Variants in ELMOD2 observed in about 807,000 individuals in gnomAD.
ELMOD2 encodes the protein ELMO domain-containing protein 2.
A neutral mutation model predicts 41.0 loss-of-function variants in ELMOD2; 28 were observed. The ratio of observed to expected loss-of-function variants is 0.68; its 90% confidence interval spans 0.51 to 0.94. The LOEUF is 0.94. Among genes scored for constraint, ELMOD2 ranks in the 40% least tolerant of loss-of-function variants. The probability of loss-of-function intolerance (pLI) is 0.00; values close to 1 mark genes in which losing one functional copy is unlikely to be tolerated. For missense variants in ELMOD2, 333 were observed against 343.1 expected, an observed-to-expected ratio of 0.97 and a Z score of 0.23; for synonymous variants, 106 against 107.2, an observed-to-expected ratio of 0.99 and a Z score of 0.07.
intron 8 of ELMOD2, among the ~76,000 whole-genome samples, chr4:140,546,614 A>T (rs894755893): frequency 6.6e-6 from 1 of 151,696 alleles, no homozygotes; most frequent in Non-Finnish European, 1.5e-5. Flanking sequence ...TAAAATTAAA[A>T]AAAAAAAAAG....
chr4:140,537,305 C>T (rs533825532), intron 4 of ELMOD2, 107 bp from the exon 5 acceptor site: 1 of 1,039,608 alleles, frequency 9.6e-7, no homozygotes. Context: ...TTATATTAAA[C>T]TGAAAGCCAG....
chr4:140,537,448 A>C lies in ELMOD2; in HGVS notation c.306A>C (p.Ile102=). 6.4e-7 allele frequency: 1 copy of C among 1,559,868 alleles called. No homozygotes were observed. The highest frequency in any genetic ancestry group is 2.0e-5 in the Admixed American group (1 of 49,942). ...GCATGAAGATGTGCTTACTGCAGAT[A>C]ACTGGTTATAAACAGCTGTATTTGG... The part of the protein sequence containing the change: ...KICMKMCLLQ[I]TGYKQLYLDV... Residue 102 remains isoleucine, a synonymous_variant, in exon 5 of 9, where the codon ATA becomes ATC. Transcript: ENST00000323570.
intron 2 of ELMOD2, among the ~76,000 whole-genome samples, chr4:140,526,399 T>C (rs1734563053): frequency 6.6e-6 from 1 of 152,204 alleles, no homozygotes; most frequent in African/African-American, 2.4e-5. Flanking sequence ...TACTCTAAAA[T>C]TTGAACACAG....
At chr4:140,534,625 G>A (rs1474736448) in intron 3 of ELMOD2, among the ~76,000 whole-genome samples, 1 of 152,148 alleles carries the variant, frequency 6.6e-6, no homozygotes, top group African/African-American at 2.4e-5. Flanking sequence ...TCTTGACTCT[G>A]CCCTAAATTT....
At chr4:140,527,382 A>G (rs1734601195) in intron 2 of ELMOD2, 84 bp from the exon 3 acceptor site, 1 of 1,046,444 alleles carries the variant, frequency 9.6e-7, no homozygotes, top group Non-Finnish European at 1.4e-6. Flanking sequence ...TACTGGTTTG[A>G]TATTTTTACT....
At chr4:140,528,781 C>CAT (rs2110822756) in intron 3 of ELMOD2, among the ~76,000 whole-genome samples, 1 of 152,212 alleles carries the variant, frequency 6.6e-6, no homozygotes, top group East Asian at 1.9e-4. Context: ...AAGAATAACT[C>CAT]ATATATATAA....
intron 4 of ELMOD2, among the ~76,000 whole-genome samples, chr4:140,536,069 C>CA (rs1304170076): frequency 6.6e-6 from 1 of 152,120 alleles, no homozygotes. Flanking sequence ...CTGCCTTCTT[C>CA]AAGATGTCTT....
At position 140,551,963 on chromosome 4, in the gene ELMOD2, T is replaced by G. The variant is rs1735482020; in HGVS notation, c.*1588T>G. 6.6e-6 allele frequency: 1 copy of G among 152,098 alleles called. No homozygotes were observed. Among genetic ancestry groups the G allele is most frequent in the Non-Finnish European group, 1.5e-5 (1 of 67,926 alleles). The allele number at this position is 152,098 out of a possible 1,614,324, so 9.4% of individuals were successfully genotyped here. A position where few individuals can be genotyped will look rare whatever the true frequency, so the allele number is the denominator to read the frequency against. On this transcript the variant is annotated 3_prime_UTR_variant, in exon 9 of 9. Coordinates refer to ENST00000323570, the MANE Select transcript of ELMOD2 (RefSeq NM_153702.4). The stretch of plus-strand genomic sequence containing the variant: ...TTATTACAATAGTGGCAATTTAGCT[T>G]TTCAGTATTACAGGAATTTAAAAAT...
rs1017675032 is a variant in ELMOD2, at chr4:140,537,490, G to A, written c.348G>A (p.Arg116=). The A allele has an allele frequency of 6.9e-6, 11 of 1,591,176 alleles. No homozygotes were observed. The highest frequency in any genetic ancestry group is 8.5e-6 in the Non-Finnish European group (10 of 1,170,842). Residue 116 remains arginine, a synonymous_variant, in exon 5 of 9, where the codon AGG becomes AGA. Transcript: ENST00000323570. Reference sequence around the variant, plus strand: ...TGTATTTGGATGTAGAAAGTGTGAGGAAAAGGCCATATGATTCTGATAACC... The same window carrying A: ...TGTATTTGGATGTAGAAAGTGTGAGAAAAAGGCCATATGATTCTGATAACC... The part of the protein sequence containing the change: ...KQLYLDVESV[R]KRPYDSDNLQ...
intron 3 of ELMOD2, among the ~76,000 whole-genome samples, chr4:140,529,294 G>GT (rs1273366568): frequency 3.9e-5 from 6 of 152,192 alleles, no homozygotes; most frequent in South Asian, 4.1e-4. Context: ...AGGAAACTGT[G>GT]TATGTTTTTC....
intron 6 of ELMOD2, among the ~76,000 whole-genome samples, chr4:140,542,209 C>T (rs1735126994): frequency 6.6e-6 from 1 of 151,404 alleles, no homozygotes; most frequent in Admixed American, 6.6e-5. Context: ...AGGAATGAAC[C>T]TAAGTGTAAG....
chr4:140,534,453 ATAG>A (rs1429319234), intron 3 of ELMOD2, among the ~76,000 whole-genome samples: 1 of 152,170 alleles, frequency 6.6e-6, no homozygotes, highest in East Asian at 1.9e-4. Context: ...GTTCTGTATC[ATAG>A]TAGGGATGTG....
intron 3 of ELMOD2, among the ~76,000 whole-genome samples, chr4:140,534,997 A>G (rs1734867235): frequency 6.6e-6 from 1 of 151,916 alleles, no homozygotes; most frequent in Admixed American, 6.6e-5. Context: ...AAGCTTCAAC[A>G]CTCTTCCTGT....
Position 140,540,387 on chromosome 4 carries a change from G to A in ELMOD2, c.533+86G>A. 5 of 1,495,084 alleles carry A rather than the reference G, an allele frequency of 3.3e-6. No individual in the cohort carries two copies. The Admixed American group carries it at 9.6e-5, about 29-fold the overall frequency. The allele number at this position is 1,495,084 out of a possible 1,614,324, so 92.6% of individuals were successfully genotyped here. ...GTTACTTCTAATAAGAAGTGATCTA[G>A]TTGATTCATACTATCTCTGAATTTT... On this transcript the variant is annotated intron_variant, in intron 6 of 8. Transcript: ENST00000323570.
chr4:140,549,194 G>T (rs1369298713), intron 8 of ELMOD2, among the ~76,000 whole-genome samples: 2 of 152,054 alleles, frequency 1.3e-5, no homozygotes, highest in Admixed American at 6.6e-5. Context: ...TTTGTTGTGT[G>T]TATTAATAGC....
intron 8 of ELMOD2, among the ~76,000 whole-genome samples, chr4:140,547,360 T>A (rs1311235291): frequency 6.6e-6 from 1 of 152,134 alleles, no homozygotes; most frequent in Non-Finnish European, 1.5e-5. Flanking sequence ...TGTCATCTTG[T>A]ACGTCCAAAC....
At position 140,527,459 on chromosome 4, in the gene ELMOD2, A is replaced by G. The variant is rs763566356; in HGVS notation, c.143-7A>G. 30 of 1,548,432 alleles carry G rather than the reference A, an allele frequency of 1.9e-5. No homozygotes were observed. The East Asian group carries it at 7.0e-4, about 36-fold the overall frequency. ...ATAACATCTTTTTTTTTTTTTTGTC[A>G]TTTCAGAAAATTCCTTGACATACTC... On this transcript the variant is annotated splice_polypyrimidine_tract_variant and splice_region_variant and intron_variant, in intron 2 of 8. Transcript: ENST00000323570.
Position 140,540,297 on chromosome 4 carries a change from C to G in ELMOD2, c.529C>G (p.Leu177Val). ...CATGGGCATACTTGGGTTAATCAAT[C>G]TTGTGTAAGTGAAAGTAAACTTTCT... Reference protein sequence around the residue: ...RGMGILGLINLVYFSENYTSE... With the variant: ...RGMGILGLINVVYFSENYTSE... The change falls in exon 6 of 9, where the codon CTT becomes GTT. Residue 177 changes from leucine (L) to valine (V), a missense_variant. Coordinates refer to ENST00000323570, the MANE Select transcript of ELMOD2 (RefSeq NM_153702.4). 6.2e-7 allele frequency: 1 copy of G among 1,612,862 alleles called. No homozygotes were observed. Among genetic ancestry groups the G allele is most frequent in the Non-Finnish European group, 8.5e-7 (1 of 1,179,692 alleles).
At chr4:140,536,054 A>G (rs1249094260) in intron 4 of ELMOD2, among the ~76,000 whole-genome samples, 1 of 152,160 alleles carries the variant, frequency 6.6e-6, no homozygotes, top group East Asian at 1.9e-4. Context: ...ATGCCAGTAT[A>G]TCATCTGCCT....
Sources: gnomAD v4.1 joint callset for allele counts (sites outside exome capture counted in the v4.1 genomes callset) on GRCh38, gnomAD v4.1.1 for gene constraint, MANE v1.5 for transcripts, NCBI Gene and HGNC (gene_info 2026-07-23, HGNC 2026-07-21) for gene names.